NOX1: variants seen among roughly 807,000 people sequenced by gnomAD.
The protein encoded by NOX1 is NADPH oxidase 1.
A neutral mutation model predicts 42.5 loss-of-function variants in NOX1; 34 were observed. The ratio of observed to expected loss-of-function variants is 0.80; its 90% CI spans 0.61 to 1.07. The LOEUF (loss-of-function observed/expected upper bound fraction) is 1.07, where lower values mean the gene tolerates loss of function less well. NOX1 is among the 50% of genes least tolerant of loss of function. The probability of loss-of-function intolerance (pLI) is 0.00; values close to 1 mark genes in which losing one functional copy is unlikely to be tolerated. For synonymous variants in NOX1, 143 were observed against 152.5 expected (o/e 0.94, Z 0.46); for missense variants, 408 against 427.0 (o/e 0.96, Z 0.39).
At chrX:100,846,203 G>A (rs914072175) in intron 12 of NOX1, among the ~76,000 whole-genome samples, 9 of 111,469 alleles carry the variant, frequency 8.1e-5, no homozygotes, top group Non-Finnish European at 1.5e-4. Flanking sequence ...TTACAGGCGC[G>A]AGCCACCATG....
intron 7 of NOX1, among the ~76,000 whole-genome samples, chrX:100,853,493 C>T (rs777224681): frequency 4.7e-4 from 44 of 93,601 alleles, no homozygotes; most frequent in Non-Finnish European, 8.9e-4. Flanking sequence ...CCCCGCCTCC[C>T]GGGTTCAAGC....
At chrX:100,852,750 T>C (rs1019766008) in intron 7 of NOX1, among the ~76,000 whole-genome samples, 2 of 112,154 alleles carry the variant, frequency 1.8e-5, no homozygotes, top group Admixed American at 1.9e-4. Context: ...TCAGTGCTAT[T>C]TCTTATTTGA....
In NOX1 at chrX:100,845,611, G is replaced by T. The variant is rs1244308957; in HGVS notation, c.1569-1533C>A. Among the ~76,000 whole-genome samples, 21 of 42,764 alleles carry T rather than the reference G, an allele frequency of 4.9e-4. No homozygotes were observed. In the East Asian group the frequency reaches 0.011, roughly 22 times the overall value. 37.1% of individuals were successfully genotyped at this position (42,764 alleles called of 115,157 possible). On this transcript the variant is annotated intron_variant, in intron 12 of 12. Transcript: ENST00000372966. ...TTGCTGGGTCATATGGAAACTATGT[G>T]TTTTTTTTTTTTTTTTTTTTTTGAG...
intron 2 of NOX1, among the ~76,000 whole-genome samples, chrX:100,868,556 C>T (rs1452028875): frequency 9.0e-6 from 1 of 110,875 alleles, no homozygotes; most frequent in Non-Finnish European, 1.9e-5. Context: ...CCCCAAGCTT[C>T]TCAGGTTCTG....
chrX:100,848,207 CA>C (rs1391023103), intron 12 of NOX1, among the ~76,000 whole-genome samples: 1 of 111,745 alleles, frequency 8.9e-6, no homozygotes, highest in Admixed American at 9.5e-5. Flanking sequence ...AAGAATGGCA[CA>C]AAAGATTTCT....
At chrX:100,845,175 A>G (rs947414589) in intron 12 of NOX1, among the ~76,000 whole-genome samples, 1 of 111,504 alleles carries the variant, frequency 9.0e-6, no homozygotes, top group South Asian at 3.8e-4. Context: ...CATTTTCATC[A>G]TCCGCAAAGA....
Position 100,862,879 on chromosome X carries a change from T to C in NOX1, c.338-59A>G, listed in dbSNP as rs961067933. 22 of 1,042,712 alleles carry C rather than the reference T, an allele frequency of 2.1e-5. No homozygotes were observed. In the East Asian group the frequency reaches 6.6e-4, roughly 32 times the overall value. The allele number at this position is 1,042,712 out of a possible 1,213,427, so 85.9% of individuals were successfully genotyped here. ...CATCTCAGCAACATCATGGCAGGTGTGCCCCACTAGACTAGAAGAATCCTA... is the reference window on the plus strand; with the variant it reads ...CATCTCAGCAACATCATGGCAGGTGCGCCCCACTAGACTAGAAGAATCCTA... On this transcript the variant is annotated intron_variant, in intron 4 of 12. Coordinates refer to ENST00000372966, the MANE Select transcript of NOX1 (RefSeq NM_007052.5).
chrX:100,856,553 A>T (rs1018413813), intron 7 of NOX1, among the ~76,000 whole-genome samples: 5 of 111,438 alleles, frequency 4.5e-5, no homozygotes, highest in African/African-American at 1.6e-4. Flanking sequence ...CTATTAACAT[A>T]TCCCAGGTAT....
In NOX1 at chrX:100,867,241, C is replaced by T. The variant is rs930048079; in HGVS notation, c.141+3478G>A. ...TAGAGATGGGGTTTCACCGTGGTCTCGATCTCCTGACCTCGTGATCCGCCC... is the reference window on the plus strand; with the variant it reads ...TAGAGATGGGGTTTCACCGTGGTCTTGATCTCCTGACCTCGTGATCCGCCC... On this transcript the variant is annotated intron_variant, in intron 2 of 12. Coordinates refer to ENST00000372966, the MANE Select transcript of NOX1 (RefSeq NM_007052.5). Among the ~76,000 whole-genome samples the T allele has an allele frequency of 3.2e-4, 36 of 111,091 alleles. 1 individual carries two copies. The highest frequency in any genetic ancestry group is 6.4e-4 in the Non-Finnish European group (34 of 52,923).
intron 12 of NOX1, among the ~76,000 whole-genome samples, chrX:100,845,672 A>G (rs181603738): frequency 1.2e-3 from 118 of 96,950 alleles, no homozygotes; most frequent in Middle Eastern, 5.4e-3. Context: ...CTGGAGTACA[A>G]TGGTATGATC....
chrX:100,859,409 T>C lies in NOX1; in HGVS notation c.804+2762A>G, dbSNP rs1414088963. 1.9e-4 allele frequency among the ~76,000 whole-genome samples: 21 copies of C among 111,693 alleles called. No homozygotes were observed. In the Admixed American group the frequency reaches 2.0e-3, roughly 11 times the overall value. On this transcript the variant is annotated intron_variant, in intron 7 of 12. Coordinates refer to ENST00000372966, the MANE Select transcript of NOX1 (RefSeq NM_007052.5). ...GGCCTGAAGTTTTCTTTTTTCGTTGTATCTCTGCCACGTTTTGGTATCAGG... is the reference window on the plus strand; with the variant it reads ...GGCCTGAAGTTTTCTTTTTTCGTTGCATCTCTGCCACGTTTTGGTATCAGG...
chrX:100,853,430 T>TCTTCCTTCCTTCCTTCCTTGC (rs1184022042), intron 7 of NOX1, among the ~76,000 whole-genome samples: 4 of 101,429 alleles, frequency 3.9e-5, no homozygotes, highest in Non-Finnish European at 6.0e-5. Context: ...TTTCTTTTTT[T>TCTTCCTTCCTTCCTTCCTTGC]TTTTTGACAG....
chrX:100,855,646 G>A, intron 7 of NOX1: 1 of 1,022,595 alleles, frequency 9.8e-7, no homozygotes, highest in Non-Finnish European at 1.4e-6. Flanking sequence ...CCGCCTCCTG[G>A]ATAACCACCA....
At chrX:100,870,253 TAAA>T (rs560653397) in intron 2 of NOX1, among the ~76,000 whole-genome samples, 4 of 91,513 alleles carry the variant, frequency 4.4e-5, no homozygotes, top group Admixed American at 2.5e-4. Context: ...TTCCTCCTTG[TAAA>T]AAAAAAAAAA....
chrX:100,855,502 T>A (rs2085160511), intron 7 of NOX1: 7 of 722,159 alleles, frequency 9.7e-6, no homozygotes, highest in Non-Finnish European at 2.2e-6. Context: ...TTGCTTCCAC[T>A]ACCACTGCCA....
In NOX1 at chrX:100,862,247, C is replaced by A. The variant is rs1343035825; in HGVS notation, c.728G>T (p.Cys243Phe). Residue 243 changes from cysteine (C) to phenylalanine (F), a missense_variant, in exon 7 of 13, where the codon TGT (cysteine) becomes TTT (phenylalanine). Coordinates refer to ENST00000372966, the MANE Select transcript of NOX1 (RefSeq NM_007052.5). Reference protein sequence around the residue: ...ESMNESHPRKCAESFEMWDDR... With the variant: ...ESMNESHPRKFAESFEMWDDR... ...ATCCCACATCTCAAAAGACTCTGCACACTTGCGAGGATGACTCTCATTCAT... is the reference window on the plus strand; with the variant it reads ...ATCCCACATCTCAAAAGACTCTGCAAACTTGCGAGGATGACTCTCATTCAT... The A allele has an allele frequency of 8.3e-7, 1 of 1,211,087 alleles. No individual in the cohort carries two copies.
At chrX:100,853,314 CTTTCTT>C (rs2085137458) in intron 7 of NOX1, among the ~76,000 whole-genome samples, 5 of 82,000 alleles carry the variant, frequency 6.1e-5, no homozygotes, top group Non-Finnish European at 9.4e-5. Context: ...TTCTTTCTTT[CTTTCTT>C]TCTCTCTCTT....
rs376790938 is a variant in NOX1 at position 100,863,500 on chromosome X, C to G, written c.237G>C (p.Leu79=). 3.3e-5 allele frequency: 40 copies of G among 1,208,369 alleles called. No individual in the cohort carries two copies. The highest frequency in any genetic ancestry group is 1.8e-4 in the African/African-American group (10 of 56,720). ...LPVCRNLLSF[L]RGTCSFCSRT... ...TGGGACTCACTGAGCAGGTGCCCCT[C>G]AGGAAGGACAGCAGATTGCGACACA... Residue 79 remains leucine, a synonymous_variant, in exon 3 of 13, where the codon CTG becomes CTC. Transcript: ENST00000372966.
chrX:100,870,690 A>G (rs761959131), intron 2 of NOX1, 29 bp downstream of exon 2: 9 of 901,857 alleles, frequency 1.0e-5, no homozygotes, highest in Non-Finnish European at 1.5e-5. Context: ...AACAATAGAG[A>G]TTCTATCCGT....
Sources: gnomAD v4.1 joint callset for allele counts (sites outside exome capture counted in the v4.1 genomes callset) on GRCh38, gnomAD v4.1.1 for gene constraint, MANE v1.5 for transcripts, NCBI Gene and HGNC (gene_info 2026-07-23, HGNC 2026-07-21) for gene names.